The following ACTN3 variants were observed in gnomAD, a reference collection of about 807,000 sequenced individuals.
ACTN3 encodes the protein actinin alpha 3, also known as alpha-actinin-3.
A neutral mutation model predicts 119.6 loss-of-function variants in ACTN3; 91 were observed. The observed-to-expected ratio is 0.76, with a 90% CI of 0.64 to 0.91. The LOEUF is 0.91. Among genes scored for constraint, ACTN3 ranks in the 40% least tolerant of loss-of-function variants. The pLI is 0.00. For missense variants in ACTN3, 1,221 were observed against 1,215.1 expected (o/e 1.00, Z -0.07); for synonymous variants, 456 against 478.8 (o/e 0.95, Z 0.62).
At chr11:66,555,406 C>G (rs1409407613) in intron 7 of ACTN3, 39 bp downstream of exon 7, 2 of 1,599,754 alleles carry the variant, frequency 1.3e-6, no homozygotes, top group Non-Finnish European at 1.7e-6. Flanking sequence ...CCCACATTCT[C>G]CACACTGGGC....
Position 66,551,608 on chromosome 11 carries a change from G to A in ACTN3, c.343G>A (p.Ala115Thr), listed in dbSNP as rs756549097. Residue 115 changes from alanine (A) to threonine (T), a missense_variant, in exon 3 of 21, where the codon GCC (alanine) becomes ACC (threonine). Ala to Thr is a moderately conservative substitution (Grantham distance 58, BLOSUM62 0). Around this residue, in one of 3 missense-constraint regions of ACTN3, gnomAD observed 239 missense variants for 231.8 expected, o/e 1.03. Coordinates refer to ENST00000513398, the MANE Select transcript of ACTN3 (RefSeq NM_001104.4). ...CGTTAACAAGGCCCTGGACTTCATT[G>A]CCAGCAAGGGGGTTAAACTGGTGTC... is the stretch of plus-strand genomic sequence containing the variant. ...ANVNKALDFIASKGVKLVSIG... is the reference protein window; with the variant it reads ...ANVNKALDFITSKGVKLVSIG... 6 of 1,614,002 alleles carry A rather than the reference G, an allele frequency of 3.7e-6. No homozygotes were observed. Among genetic ancestry groups the A allele is most frequent in the Non-Finnish European group, 5.1e-6 (6 of 1,180,040 alleles).
In ACTN3 at chr11:66,560,564, C is replaced by A; in HGVS notation, c.1678-9C>A. On this transcript the variant is annotated splice_polypyrimidine_tract_variant and intron_variant, in intron 14 of 20. Transcript: ENST00000513398. The stretch of plus-strand genomic sequence containing the variant: ...ACACCAGCTGACACTTCCTGCCTGT[C>A]GTCCCCAGAGCCTGCTGACAGCGCA... The A allele has an allele frequency of 6.2e-7, 1 of 1,604,264 alleles. No homozygotes were observed. Among genetic ancestry groups the A allele is most frequent in the South Asian group, 1.1e-5 (1 of 89,914 alleles).
chr11:66,562,190 T>TG (rs1565310222), intron 18 of ACTN3, 22 bp downstream of exon 18: 2 of 1,613,666 alleles, frequency 1.2e-6, no homozygotes, highest in Non-Finnish European at 1.7e-6. Context: ...CCTGGCCCTG[T>TG]GGGGTAAGAC....
rs1565303752 is a variant in ACTN3 at position 66,551,626 on chromosome 11, CTG to C, written c.362_363del (p.Leu121ArgfsTer6). 6 of 1,613,850 alleles carry C rather than the reference CTG, an allele frequency of 3.7e-6. No individual in the cohort carries two copies. The highest frequency in any genetic ancestry group is 5.1e-6 in the Non-Finnish European group (6 of 1,180,048). On this transcript the variant is annotated frameshift_variant, in exon 3 of 21. Transcript: ENST00000513398. LOFTEE classifies it high-confidence loss of function. ...CTTCATTGCCAGCAAGGGGGTTAAA[CTG>C]GTGTCCATTGGTGCTGAAGGTGAGG... ...LDFIASKGVKLVSIGAEEIVD... is the reference protein window; with the variant it reads ...LDFIASKGVKXVSIGAEEIVD...
chr11:66,551,598 G>A lies in ACTN3; in HGVS notation c.333G>A (p.Leu111=). The A allele has an allele frequency of 6.2e-7, 1 of 1,614,120 alleles. No individual in the cohort carries two copies. ...AAATCGCCAACGTTAACAAGGCCCTGGACTTCATTGCCAGCAAGGGGGTTA... is the reference window on the plus strand; with the variant it reads ...AAATCGCCAACGTTAACAAGGCCCTAGACTTCATTGCCAGCAAGGGGGTTA... ...FHKIANVNKA[L]DFIASKGVKL... The change falls in exon 3 of 21, where the codon CTG becomes CTA. Residue 111 remains leucine, a synonymous_variant. Transcript: ENST00000513398.
intron 9 of ACTN3, 50 bp from the exon 10 acceptor site, chr11:66,557,649 G>A: frequency 6.4e-7 from 1 of 1,557,132 alleles, no homozygotes; most frequent in Non-Finnish European, 8.7e-7. Context: ...TGGGTGAGCT[G>A]GGCAGGTCAG....
chr11:66,560,426 C>A, intron 14 of ACTN3, 115 bp downstream of exon 14: 1 of 1,483,498 alleles, frequency 6.7e-7, no homozygotes. Flanking sequence ...CCCCAGTTCC[C>A]GAGTGCTGGG....
At chr11:66,546,827 C>T, upstream of ACTN3, 1 of 1,526,902 alleles carries the variant, frequency 6.5e-7, no homozygotes, top group Admixed American at 2.0e-5. Flanking sequence ...GCCCCTCCCT[C>T]CTCCCCCATA....
rs1330156783 is a variant in ACTN3 at position 66,554,635 on chromosome 11, G to A, written c.557+12G>A. The A allele has an allele frequency of 6.2e-7, 1 of 1,605,744 alleles. No homozygotes were observed. The highest frequency in any genetic ancestry group is 1.7e-5 in the Admixed American group (1 of 58,902). ...AACTTCCACACCAGGTCTGTCAGGT[G>A]GTTACCAAATGTGTCTGGGCCTCTG... is the stretch of plus-strand genomic sequence containing the variant. On this transcript the variant is annotated intron_variant, in intron 5 of 20. Transcript: ENST00000513398.
rs1029495578 is a variant in ACTN3, at chr11:66,555,779, A to C, written c.719-366A>C. Reference sequence around the variant, plus strand: ...CAGGCTGTGTGGGCACTGCTGGAGAAGAACTTTTTCTTGCCCTGAGGAGCT... The same window carrying C: ...CAGGCTGTGTGGGCACTGCTGGAGACGAACTTTTTCTTGCCCTGAGGAGCT... On this transcript the variant is annotated intron_variant, in intron 7 of 20. Transcript: ENST00000513398. Among the ~76,000 whole-genome samples, 3 of 152,346 alleles carry C rather than the reference A, an allele frequency of 2.0e-5. No individual in the cohort carries two copies. In the South Asian group the frequency reaches 6.2e-4, roughly 32 times the overall value.
intron 16 of ACTN3, 27 bp from the exon 17 acceptor site, chr11:66,561,431 C>T: frequency 6.2e-7 from 1 of 1,600,632 alleles, no homozygotes; most frequent in African/African-American, 1.3e-5. Context: ...AGTTGGGAGC[C>T]CTCATGCTGC....
chr11:66,550,931 G>A (rs964211089), intron 1 of ACTN3: 3 of 467,192 alleles, frequency 6.4e-6, no homozygotes, highest in Admixed American at 2.8e-5. Flanking sequence ...TTTTGAATGT[G>A]TTAACATTTT....
intron 9 of ACTN3, 82 bp from the exon 10 acceptor site, chr11:66,557,617 C>T: frequency 6.9e-7 from 1 of 1,450,618 alleles, no homozygotes; most frequent in South Asian, 1.2e-5. Context: ...CTGGCCACAG[C>T]CTGGGTGTGG....
chr11:66,560,289 T>C lies in ACTN3; in HGVS notation c.1655T>C (p.Val552Ala). 6.2e-7 allele frequency: 1 copy of C among 1,612,892 alleles called. No individual in the cohort carries two copies. The highest frequency in any genetic ancestry group is 1.1e-5 in the South Asian group (1 of 90,848). Residue 552 changes from valine (V) to alanine (A), a missense_variant, in exon 14 of 21, where the codon GTA becomes GCA. Physicochemically the swap from Val to Ala is moderately conservative, Grantham distance 64 (BLOSUM62 0). Coordinates refer to ENST00000513398, the MANE Select transcript of ACTN3 (RefSeq NM_001104.4). ...GAGGACCTGCAGGACGTGTGGCTGGTACACTCTGTGGAGGAGACCCAGGTG... is the reference window on the plus strand; with the variant it reads ...GAGGACCTGCAGGACGTGTGGCTGGCACACTCTGTGGAGGAGACCCAGGTG... The part of the protein sequence containing the change: ...AVEDLQDVWL[V>A]HSVEETQSLL...
intron 3 of ACTN3, 47 bp downstream of exon 3, chr11:66,551,694 C>T (rs750296823): frequency 3.1e-5 from 50 of 1,607,480 alleles, no homozygotes; most frequent in Non-Finnish European, 4.1e-5. Context: ...AGGGGCCTCT[C>T]TTGACATCAG....
At chr11:66,555,803 C>G (rs542019822) in intron 7 of ACTN3, among the ~76,000 whole-genome samples, 2 of 152,350 alleles carry the variant, frequency 1.3e-5, no homozygotes, top group East Asian at 3.9e-4. Context: ...CCCTGAGGAG[C>G]TTGTGGACTT....
chr11:66,547,320 GTTC>G, intron 1 of ACTN3, among the ~76,000 whole-genome samples: 2 of 152,262 alleles, frequency 1.3e-5, no homozygotes, highest in South Asian at 4.1e-4. Context: ...CCCCACCAGG[GTTC>G]ATTCCCCTGG....
intron 1 of ACTN3, among the ~76,000 whole-genome samples, chr11:66,548,694 C>T (rs1857414270): frequency 6.6e-6 from 1 of 152,198 alleles, no homozygotes; most frequent in South Asian, 2.1e-4. Context: ...GTGACTCCTC[C>T]ATCCAAGGGC....
In ACTN3 at chr11:66,561,227, G is replaced by T. The variant is rs1368969405; in HGVS notation, c.1861G>T (p.Val621Phe). 2 of 1,559,348 alleles carry T rather than the reference G, an allele frequency of 1.3e-6. No individual in the cohort carries two copies. The highest frequency in any genetic ancestry group is 1.7e-6 in the Non-Finnish European group (2 of 1,154,836). The stretch of plus-strand genomic sequence containing the variant: ...TCTGGCATAACTGCCCTCCTCCCAG[G>T]TCCGAAAGCTGGTGCCCAGCTGTGA... ...PQDINTKWDM[V>F]RKLVPSCDQT... Residue 621 changes from valine (V) to phenylalanine (F), a missense_variant and splice_region_variant, in exon 16 of 21, where the codon GTC (valine) becomes TTC (phenylalanine). Around this residue, in one of 3 missense-constraint regions of ACTN3, gnomAD observed 934 missense variants for 899.9 expected, o/e 1.04. Transcript: ENST00000513398.
Sources: allele counts gnomAD v4.1 joint callset (sites outside exome capture counted in the v4.1 genomes callset), GRCh38; gene constraint gnomAD v4.1.1; regional missense constraint gnomAD v4.1.1; transcripts MANE v1.5; gene names NCBI Gene and HGNC (gene_info 2026-07-23, HGNC 2026-07-21).